Variants in CLVS1 observed in about 807,000 individuals in gnomAD.
CLVS1 encodes clavesin 1.
Under a neutral mutation model 33.1 loss-of-function variants are expected in CLVS1, and 10 were observed. The ratio of observed to expected loss-of-function variants is 0.30; its 90% CI spans 0.19 to 0.51. CLVS1 has a LOEUF of 0.51. Ranked by LOEUF, CLVS1 falls within the 20% of genes least tolerant of loss-of-function variation. The pLI, the probability that CLVS1 is intolerant of heterozygous loss-of-function variation, is 0.97. For synonymous variants in CLVS1, 163 were observed against 166.1 expected, an observed-to-expected ratio of 0.98 and a Z score of 0.14; for missense variants, 343 against 433.4, an observed-to-expected ratio of 0.79 and a Z score of 1.85.
intron 2 of CLVS1, among the ~76,000 whole-genome samples, chr8:61,275,437 T>G (rs986242612): frequency 1.3e-5 from 2 of 152,222 alleles, no homozygotes; most frequent in Non-Finnish European, 2.9e-5. Flanking sequence ...CCAAATATCC[T>G]AATTACCCAT....
At chr8:61,367,334 T>G (rs75200123) in intron 2 of CLVS1, among the ~76,000 whole-genome samples, 1 of 151,570 alleles carries the variant, frequency 6.6e-6, no homozygotes, top group Non-Finnish European at 1.5e-5. Context: ...ATTTGCCCCA[T>G]TGCACAGGAA....
At chr8:61,009,400 G>T in the CLVS1 span, among the ~76,000 whole-genome samples, 1 of 152,078 alleles carries the variant, frequency 6.6e-6, no homozygotes, top group Admixed American at 6.6e-5. Context: ...TACTCGCCTC[G>T]GCCTCGCCAA....
intron 2 of CLVS1, among the ~76,000 whole-genome samples, chr8:61,147,845 G>GA (rs575653657): frequency 1.3e-5 from 2 of 151,946 alleles, no homozygotes; most frequent in African/African-American, 4.8e-5. Context: ...AGGAAAGTGA[G>GA]AAAAAAAACT....
At chr8:61,421,589 A>G (rs1815668486) in intron 3 of CLVS1, among the ~76,000 whole-genome samples, 1 of 152,230 alleles carries the variant, frequency 6.6e-6, no homozygotes, top group Admixed American at 6.5e-5. Context: ...TTTTCAATTT[A>G]TCATTAACCC....
At chr8:61,069,412 C>T (rs200202595) in intron 1 of CLVS1, among the ~76,000 whole-genome samples, 1 of 73,740 alleles carries the variant, frequency 1.4e-5, no homozygotes, top group African/African-American at 5.7e-5. Context: ...TCTCTCTCTT[C>T]CTTCCTTCCT....
chr8:61,483,216 G>C (rs1803735404), intron 5 of CLVS1, among the ~76,000 whole-genome samples: 1 of 152,124 alleles, frequency 6.6e-6, no homozygotes, highest in Non-Finnish European at 1.5e-5. Flanking sequence ...AAGAAGAAAA[G>C]AGAGAAGAAT....
chr8:61,398,172 T>C (rs1814608847), intron 3 of CLVS1, among the ~76,000 whole-genome samples: 2 of 150,846 alleles, frequency 1.3e-5, no homozygotes, highest in African/African-American at 4.9e-5. Flanking sequence ...GTTTGTTTTA[T>C]AAGCTTTACT....
At chr8:61,466,684 G>T (rs527890775) in intron 5 of CLVS1, among the ~76,000 whole-genome samples, 1 of 152,108 alleles carries the variant, frequency 6.6e-6, no homozygotes, top group African/African-American at 2.4e-5. Flanking sequence ...TTTTGCTCTT[G>T]TTGCCCAGGC....
intron 1 of CLVS1, among the ~76,000 whole-genome samples, chr8:61,107,218 A>G (rs1805553023): frequency 6.6e-6 from 1 of 152,268 alleles, no homozygotes. Context: ...AGGCTGGACA[A>G]GAACTCATGT....
At chr8:61,008,014 C>T in the CLVS1 span, among the ~76,000 whole-genome samples, 1 of 151,916 alleles carries the variant, frequency 6.6e-6, no homozygotes. Flanking sequence ...GGACTCCTGC[C>T]CAGGAACGAA....
the CLVS1 span, among the ~76,000 whole-genome samples, chr8:60,971,462 T>C: frequency 5.9e-5 from 9 of 152,362 alleles, no homozygotes; most frequent in South Asian, 1.9e-3. Context: ...AGGACAGTAA[T>C]GCTCACTTTG....
intron 2 of CLVS1, among the ~76,000 whole-genome samples, chr8:61,329,449 G>A (rs1296226548): frequency 6.6e-6 from 1 of 152,144 alleles, no homozygotes; most frequent in East Asian, 1.9e-4. Flanking sequence ...GTATTCAATA[G>A]ATCAGCAGTG....
chr8:61,372,029 T>C (rs1000580422), intron 2 of CLVS1, among the ~76,000 whole-genome samples: 13 of 152,178 alleles, frequency 8.5e-5, no homozygotes, highest in African/African-American at 3.1e-4. Context: ...TATAATTAAT[T>C]CAAAACTAAT....
chr8:61,391,910 A>C (rs1282247448), intron 3 of CLVS1, among the ~76,000 whole-genome samples: 1 of 152,206 alleles, frequency 6.6e-6, no homozygotes, highest in Non-Finnish European at 1.5e-5. Flanking sequence ...GATAGAGCTA[A>C]AACATGAAAT....
intron 3 of CLVS1, among the ~76,000 whole-genome samples, chr8:61,396,779 G>C (rs182307276): frequency 6.6e-6 from 1 of 152,230 alleles, no homozygotes; most frequent in Non-Finnish European, 1.5e-5. Flanking sequence ...TCGCATAAAT[G>C]GAATCATACA....
chr8:60,971,202 G>T, the CLVS1 span, among the ~76,000 whole-genome samples: 2 of 150,720 alleles, frequency 1.3e-5, no homozygotes, highest in Admixed American at 6.6e-5. Context: ...TCAGCCTTGC[G>T]AGTAGCTGGG....
At chr8:61,089,668 C>T (rs1805193292) in intron 1 of CLVS1, among the ~76,000 whole-genome samples, 1 of 152,106 alleles carries the variant, frequency 6.6e-6, no homozygotes. Context: ...CCTGTAATCC[C>T]AGGGCTTTGG....
chr8:61,138,584 G>T (rs1188182975), intron 2 of CLVS1, among the ~76,000 whole-genome samples: 2 of 152,126 alleles, frequency 1.3e-5, no homozygotes, highest in Non-Finnish European at 2.9e-5. Context: ...AGGGGAGACG[G>T]GGGGCAGGGA....
chr8:61,055,095 T>C (rs899354073), upstream of CLVS1, among the ~76,000 whole-genome samples: 3 of 152,222 alleles, frequency 2.0e-5, no homozygotes, highest in Non-Finnish European at 2.9e-5. Context: ...ATAGAAATGA[T>C]ACCAACTCAA....
Sources: gnomAD v4.1 joint callset for allele counts (sites outside exome capture counted in the v4.1 genomes callset) on GRCh38, gnomAD v4.1.1 for gene constraint, MANE v1.5 for transcripts, NCBI Gene and HGNC (gene_info 2026-07-23, HGNC 2026-07-21) for gene names.